The following ADGRB3 variants were observed in gnomAD, a reference collection of about 807,000 sequenced individuals.
ADGRB3 encodes the protein brain-specific angiogenesis inhibitor 3.
A neutral mutation model predicts 193.4 loss-of-function variants in ADGRB3; 37 were observed. The observed-to-expected ratio is 0.19, with a 90% CI of 0.15 to 0.25. The LOEUF is 0.25. ADGRB3 is among the 10% of genes least tolerant of loss of function. The probability of loss-of-function intolerance (pLI) is 1.00; values close to 1 mark genes in which losing one functional copy is unlikely to be tolerated. For missense variants in ADGRB3, 1,637 were observed against 1,852.9 expected, an observed-to-expected ratio of 0.88 and a Z score of 2.14; for synonymous variants, 690 against 644.2, an observed-to-expected ratio of 1.07 and a Z score of -1.08.
intron 3 of ADGRB3, among the ~76,000 whole-genome samples, chr6:68,928,037 G>A (rs78669734): frequency 0.034 from 5,090 of 151,594 alleles, 127 homozygotes; most frequent in Non-Finnish European, 0.051. Context: ...AAATAACTAC[G>A]GTGTAGGATA....
chr6:69,093,557 G>T (rs1772777517), intron 17 of ADGRB3, among the ~76,000 whole-genome samples: 1 of 151,906 alleles, frequency 6.6e-6, no homozygotes, highest in African/African-American at 2.4e-5. Flanking sequence ...CTTAGGTTCA[G>T]GGGGAGAGGG....
At chr6:69,255,055 G>T (rs554383237) in intron 20 of ADGRB3, among the ~76,000 whole-genome samples, 1,610 of 151,234 alleles carry the variant, frequency 0.011, 13 homozygotes, top group Non-Finnish European at 0.018. Flanking sequence ...TTTTATGGCT[G>T]CATAGTATTC....
chr6:69,121,106 A>G (rs1214932306), intron 17 of ADGRB3, among the ~76,000 whole-genome samples: 1 of 151,776 alleles, frequency 6.6e-6, no homozygotes. Context: ...TCAGCAGATA[A>G]ACAGGTGAAC....
intron 17 of ADGRB3, among the ~76,000 whole-genome samples, chr6:69,199,583 G>A (rs966193441): frequency 1.3e-5 from 2 of 152,086 alleles, no homozygotes; most frequent in Non-Finnish European, 2.9e-5. Context: ...TAAAAGTTAA[G>A]TTGGGATTAG....
intron 17 of ADGRB3, among the ~76,000 whole-genome samples, chr6:69,094,947 C>T (rs929867026): frequency 6.6e-6 from 1 of 152,150 alleles, no homozygotes; most frequent in African/African-American, 2.4e-5. Context: ...TACATCATAA[C>T]TTTGACTTAA....
intron 3 of ADGRB3, among the ~76,000 whole-genome samples, chr6:68,701,721 G>A (rs908805823): frequency 6.6e-6 from 1 of 152,054 alleles, no homozygotes; most frequent in African/African-American, 2.4e-5. Context: ...ACCAAAACAG[G>A]TTCATTTTTC....
chr6:68,727,235 C>G (rs920820414), intron 3 of ADGRB3, among the ~76,000 whole-genome samples: 1 of 151,490 alleles, frequency 6.6e-6, no homozygotes, highest in African/African-American at 2.4e-5. Flanking sequence ...AAACAAAGGC[C>G]TTAAAGCTGT....
chr6:68,764,429 C>T (rs1363829494), intron 3 of ADGRB3, among the ~76,000 whole-genome samples: 1 of 152,266 alleles, frequency 6.6e-6, no homozygotes, highest in East Asian at 1.9e-4. Flanking sequence ...GCATCAAAAT[C>T]CACTCAGCAA....
chr6:69,128,892 A>G (rs1046347418), intron 17 of ADGRB3, among the ~76,000 whole-genome samples: 2 of 152,190 alleles, frequency 1.3e-5, no homozygotes, highest in South Asian at 4.1e-4. Context: ...ATGTCTTCTC[A>G]CTTCAAGTTG....
At chr6:69,152,153 C>T (rs747581526) in intron 17 of ADGRB3, among the ~76,000 whole-genome samples, 3 of 152,186 alleles carry the variant, frequency 2.0e-5, no homozygotes, top group Non-Finnish European at 4.4e-5. Context: ...TATACAAGTA[C>T]ATTTTATATT....
intron 20 of ADGRB3, among the ~76,000 whole-genome samples, chr6:69,267,646 G>A (rs62408267): frequency 0.05 from 7,546 of 152,208 alleles, 229 homozygotes; most frequent in Non-Finnish European, 0.072. Flanking sequence ...TAGGGAATTA[G>A]ATGAAATCTG....
chr6:69,100,948 A>G, intron 17 of ADGRB3, among the ~76,000 whole-genome samples: 1 of 242 alleles, frequency 4.1e-3, no homozygotes, highest in African/African-American at 0.016. Flanking sequence ...GAAGGAAGGA[A>G]AGGAGGGAGG....
Position 69,233,405 on chromosome 6 carries a change from C to A in ADGRB3, c.2596C>A (p.Pro866Thr). 1 of 1,613,964 alleles carries A rather than the reference C, an allele frequency of 6.2e-7. No homozygotes were observed. Among genetic ancestry groups the A allele is most frequent in the Middle Eastern group, 1.7e-4 (1 of 6,060 alleles). Residue 866 changes from proline to threonine, a missense_variant, in exon 18 of 32, where the codon CCT (proline) becomes ACT (threonine). By Grantham distance (38) the Pro-to-Thr change is conservative. Transcript: ENST00000370598. ...LSTFAILAQQ[P>T]REIIMESSGT... ...TACCTTCGCCATTTTGGCTCAGCAA[C>A]CTAGAGAAATAGTAAGTAACAAAGG...
chr6:69,315,813 T>G (rs1054132589), intron 20 of ADGRB3, among the ~76,000 whole-genome samples: 7 of 151,416 alleles, frequency 4.6e-5, no homozygotes, highest in Non-Finnish European at 7.4e-5. Flanking sequence ...AAATAATAAT[T>G]GCTTTATATG....
intron 3 of ADGRB3, among the ~76,000 whole-genome samples, chr6:68,890,691 A>T (rs1489913778): frequency 6.6e-6 from 1 of 152,212 alleles, no homozygotes; most frequent in Non-Finnish European, 1.5e-5. Context: ...AAACTCAAAA[A>T]ACAAATACAT....
At chr6:68,890,809 T>C (rs1766052810) in intron 3 of ADGRB3, among the ~76,000 whole-genome samples, 1 of 152,176 alleles carries the variant, frequency 6.6e-6, no homozygotes, top group Non-Finnish European at 1.5e-5. Context: ...TGTAGCATCA[T>C]AAATGCCATA....
intron 3 of ADGRB3, among the ~76,000 whole-genome samples, chr6:68,645,999 TC>T (rs1390479890): frequency 1.3e-5 from 2 of 151,898 alleles, no homozygotes; most frequent in Non-Finnish European, 2.9e-5. Context: ...TCCCTCAAAC[TC>T]CCTTCTTCAG....
At chr6:69,041,228 A>T (rs1771059482) in intron 13 of ADGRB3, among the ~76,000 whole-genome samples, 1 of 152,212 alleles carries the variant, frequency 6.6e-6, no homozygotes, top group African/African-American at 2.4e-5. Flanking sequence ...TAGGGTGCAG[A>T]GGACTAGTAG....
intron 3 of ADGRB3, among the ~76,000 whole-genome samples, chr6:68,647,051 C>T (rs1441832337): frequency 6.6e-6 from 1 of 152,050 alleles, no homozygotes; most frequent in Admixed American, 6.6e-5. Flanking sequence ...ATGAACAAAG[C>T]AAAATTGAAA....
Sources: gnomAD v4.1 joint callset for allele counts (sites outside exome capture counted in the v4.1 genomes callset) on GRCh38, gnomAD v4.1.1 for gene constraint, MANE v1.5 for transcripts, NCBI Gene and HGNC (gene_info 2026-07-23, HGNC 2026-07-21) for gene names.